The following CFAP44 variants were observed in gnomAD, a reference collection of about 807,000 sequenced individuals.
CFAP44 encodes cilia- and flagella-associated protein 44.
A neutral mutation model predicts 216.2 loss-of-function variants in CFAP44; 134 were observed. That is an observed-to-expected ratio of 0.62 (90% CI 0.54 to 0.72). The LOEUF is 0.72. Ranked by LOEUF, CFAP44 falls within the 30% of genes least tolerant of loss-of-function variation. CFAP44 has a pLI of 0.00. For synonymous variants in CFAP44, 700 were observed against 727.6 expected (o/e 0.96, Z 0.61); for missense variants, 2,035 against 2,182.1 (o/e 0.93, Z 1.34).
chr3:113,335,998 T>C (rs1214645110), intron 24 of CFAP44, among the ~76,000 whole-genome samples: 1 of 152,194 alleles, frequency 6.6e-6, no homozygotes, highest in Non-Finnish European at 1.5e-5. Flanking sequence ...ACAAGGGATA[T>C]TAGAAATACT....
In CFAP44 at chr3:113,406,968, T is replaced by C. The variant is rs1314882704; in HGVS notation, c.964A>G (p.Thr322Ala). Residue 322 changes from threonine to alanine, a missense_variant, in exon 8 of 35, where the codon ACT (threonine) becomes GCT (alanine). Transcript: ENST00000393845. ...TCCATGTAGCCTTCTATATCAGTAG[T>C]GATTGTTTTGCCAAATCGACCTAGT... ...GSLGRFGKTI[T>A]TDIEGYMELP... The C allele has an allele frequency of 6.2e-7, 1 of 1,614,056 alleles. No individual in the cohort carries two copies. The highest frequency in any genetic ancestry group is 1.3e-5 in the African/African-American group (1 of 74,924).
intron 34 of CFAP44, among the ~76,000 whole-genome samples, chr3:113,293,234 C>T (rs1949848264): frequency 6.6e-6 from 1 of 152,180 alleles, no homozygotes; most frequent in South Asian, 2.1e-4. Flanking sequence ...TTTGGTTATT[C>T]TTACTTTGAG....
rs1949811996 is a variant in CFAP44 at position 113,289,819 on chromosome 3, T to G, written c.*1738A>C. On this transcript the variant is annotated 3_prime_UTR_variant, in exon 35 of 35. Coordinates refer to ENST00000393845, the MANE Select transcript of CFAP44 (RefSeq NM_001164496.2). The stretch of plus-strand genomic sequence containing the variant: ...GGATCACTTGCTCTGGGAGAAGTCA[T>G]ATCCCAAGCGGCCCTATGGAGAGGC... The G allele has an allele frequency of 6.6e-6, 1 of 152,300 alleles. No individual in the cohort carries two copies. The highest frequency in any genetic ancestry group is 6.5e-5 in the Admixed American group (1 of 15,288). 9.4% of individuals were successfully genotyped at this position (152,300 alleles called of 1,614,324 possible).
At chr3:113,437,520 C>A (rs1210638399) in intron 1 of CFAP44, among the ~76,000 whole-genome samples, 1 of 152,230 alleles carries the variant, frequency 6.6e-6, no homozygotes. Flanking sequence ...ATGGCTAATA[C>A]TACCATGTAA....
Position 113,306,274 on chromosome 3 carries a change from A to G in CFAP44, c.4685T>C (p.Ile1562Thr), listed in dbSNP as rs558425706. The change falls in exon 30 of 35, where the codon ATT becomes ACT. Residue 1562 changes from isoleucine to threonine, a missense_variant. Around this residue, in one of 3 missense-constraint regions of CFAP44, gnomAD observed 1,883 missense variants for 2,023.7 expected, o/e 0.93. Coordinates refer to ENST00000393845, the MANE Select transcript of CFAP44 (RefSeq NM_001164496.2). ...CTTTTCTTCAACTAAAGCCTCCTCA[A>G]TGTCCAGCCTTTTCTCTCGAAGGTG... is the stretch of plus-strand genomic sequence containing the variant. ...ALHLREKRLD[I>T]EEALVEEKKI... is the part of the protein sequence containing the mutation. The G allele has an allele frequency of 7.8e-5, 120 of 1,537,048 alleles. No homozygotes were observed. The African/African-American group carries it at 1.4e-3, about 18-fold the overall frequency.
In CFAP44 at chr3:113,361,996, C is replaced by T. The variant is rs147942441; in HGVS notation, c.2934+1149G>A. Among the ~76,000 whole-genome samples, 284 of 151,756 alleles carry T rather than the reference C, an allele frequency of 1.9e-3. 3 individuals carry two copies. Among genetic ancestry groups the T allele is most frequent in the African/African-American group, 5.6e-3 (231 of 41,386 alleles). ...CATTTCTTGTTCTGATAGCTTCCCACCACACACTGAAGGTTCCTCAAGGAT... is the reference window on the plus strand; with the variant it reads ...CATTTCTTGTTCTGATAGCTTCCCATCACACACTGAAGGTTCCTCAAGGAT... On this transcript the variant is annotated intron_variant, in intron 21 of 34. Transcript: ENST00000393845.
rs577575000 is a variant in CFAP44, at chr3:113,355,499, G to A, written c.3065+3246C>T. 7.3e-4 allele frequency among the ~76,000 whole-genome samples: 111 copies of A among 152,248 alleles called. 1 individual carries two copies. The highest frequency in any genetic ancestry group is 2.4e-3 in the African/African-American group (100 of 41,552). ...CACGCCACTACACTCCAGCCTGGGC[G>A]ACAGAGTGAGACTCCATCCATGGAA... On this transcript the variant is annotated intron_variant, in intron 22 of 34. Coordinates refer to ENST00000393845, the MANE Select transcript of CFAP44 (RefSeq NM_001164496.2).
chr3:113,310,654 T>G (rs540345011), intron 28 of CFAP44, among the ~76,000 whole-genome samples: 1 of 152,318 alleles, frequency 6.6e-6, no homozygotes, highest in South Asian at 2.1e-4. Context: ...CCAAATCTCA[T>G]GTTGAACTGT....
intron 28 of CFAP44, among the ~76,000 whole-genome samples, chr3:113,320,843 T>C (rs1270087242): frequency 1.3e-5 from 2 of 152,192 alleles, no homozygotes; most frequent in Admixed American, 1.3e-4. Flanking sequence ...TGTCAGCTAA[T>C]TAGAGGTGCC....
intron 4 of CFAP44, 161 bp downstream of exon 4, chr3:113,425,963 T>C: frequency 1.2e-6 from 1 of 815,724 alleles, no homozygotes; most frequent in Non-Finnish European, 1.9e-6. Context: ...GCAGCCATAA[T>C]AAACAAAATG....
At position 113,395,837 on chromosome 3, in the gene CFAP44, G is replaced by C; in HGVS notation, c.1803C>G (p.Phe601Leu). 1 of 1,613,398 alleles carries C rather than the reference G, an allele frequency of 6.2e-7. No individual in the cohort carries two copies. The change falls in exon 15 of 35, where the codon TTC (phenylalanine) becomes TTG (leucine). Residue 601 changes from phenylalanine (F) to leucine (L), a missense_variant. By Grantham distance (22) the Phe-to-Leu change is conservative. This residue lies in a region of CFAP44 where 1,883 missense variants were observed against 2,023.7 expected (regional missense o/e 0.93). Transcript: ENST00000393845. ...ATGSKDQTVFFFEVERDYKPI... is the reference protein window; with the variant it reads ...ATGSKDQTVFLFEVERDYKPI... Reference sequence around the variant, plus strand: ...GCTTATAATCCCTTTCCACTTCAAAGAAGAAAACAGTTTGATCTTTACTCT... The same window carrying C: ...GCTTATAATCCCTTTCCACTTCAAACAAGAAAACAGTTTGATCTTTACTCT...
At chr3:113,344,827 T>C in intron 22 of CFAP44, 115 bp from the exon 23 acceptor site, 2 of 1,016,204 alleles carry the variant, frequency 2.0e-6, no homozygotes, top group Non-Finnish European at 2.7e-6. Flanking sequence ...TATATTGTGC[T>C]AGACTCAAAT....
Position 113,420,109 on chromosome 3 carries a change from T to C in CFAP44, c.478A>G (p.Ile160Val), listed in dbSNP as rs779491276. The C allele has an allele frequency of 2.3e-5, 37 of 1,613,890 alleles. 1 individual carries two copies. The South Asian group carries it at 3.5e-4, about 15-fold the overall frequency. Reference sequence around the variant, plus strand: ...AGAAAGATCAGTTGGTTCCCAGCTATGTATATGGCGATACTGTCGTCCAGA... The same window carrying C: ...AGAAAGATCAGTTGGTTCCCAGCTACGTATATGGCGATACTGTCGTCCAGA... ...QLLDDSIAIY[I>V]AGNQLIFLNL... Residue 160 changes from isoleucine (I) to valine (V), a missense_variant, in exon 5 of 35, where the codon ATA becomes GTA. Ile to Val is a conservative substitution (Grantham distance 29). Coordinates refer to ENST00000393845, the MANE Select transcript of CFAP44 (RefSeq NM_001164496.2).
intron 22 of CFAP44, among the ~76,000 whole-genome samples, chr3:113,348,185 G>A (rs1950407547): frequency 6.6e-6 from 1 of 152,138 alleles, no homozygotes; most frequent in African/African-American, 2.4e-5. Context: ...AGGGACCATT[G>A]CAGGTTCTTG....
At chr3:113,307,249 G>A (rs903301096) in intron 29 of CFAP44, among the ~76,000 whole-genome samples, 1 of 152,316 alleles carries the variant, frequency 6.6e-6, no homozygotes, top group East Asian at 1.9e-4. Context: ...GGAGATTCCT[G>A]TAAAATATAT....
At chr3:113,332,345 A>C (rs1478649475) in intron 25 of CFAP44, among the ~76,000 whole-genome samples, 1 of 152,238 alleles carries the variant, frequency 6.6e-6, no homozygotes, top group East Asian at 1.9e-4. Flanking sequence ...TGGATTTGTG[A>C]ATATGAATTG....
In CFAP44 at chr3:113,291,482, T is replaced by A; in HGVS notation, c.*75A>T. 6.9e-7 allele frequency: 1 copy of A among 1,455,928 alleles called. No individual in the cohort carries two copies. The highest frequency in any genetic ancestry group is 2.1e-5 in the Admixed American group (1 of 47,358). 90.2% of individuals were successfully genotyped at this position (1,455,928 alleles called of 1,614,324 possible). On this transcript the variant is annotated 3_prime_UTR_variant, in exon 35 of 35. Transcript: ENST00000393845. ...AGTTCAGTTTAAAGTAATAAGATTGTTGGAGGTGATGAGGAGACAGAACTT... is the reference window on the plus strand; with the variant it reads ...AGTTCAGTTTAAAGTAATAAGATTGATGGAGGTGATGAGGAGACAGAACTT...
At chr3:113,324,539 G>C (rs1228811255) in intron 28 of CFAP44, among the ~76,000 whole-genome samples, 1 of 152,008 alleles carries the variant, frequency 6.6e-6, no homozygotes, top group African/African-American at 2.4e-5. Context: ...ATGTAGACAG[G>C]CATCTGACAA....
chr3:113,376,778 C>T (rs1933357241), intron 17 of CFAP44, among the ~76,000 whole-genome samples: 2 of 151,936 alleles, frequency 1.3e-5, no homozygotes, highest in Admixed American at 1.3e-4. Flanking sequence ...TGTAACAGAG[C>T]AAGGGGGGAA....
Sources: gnomAD v4.1 joint callset for allele counts (sites outside exome capture counted in the v4.1 genomes callset) on GRCh38, gnomAD v4.1.1 for gene constraint, gnomAD v4.1.1 regional missense constraint, MANE v1.5 for transcripts, NCBI Gene and HGNC (gene_info 2026-07-23, HGNC 2026-07-21) for gene names.